The following XYLB variants were observed in gnomAD, a reference collection of about 807,000 sequenced individuals.
XYLB encodes xylulose kinase.
In XYLB, 62 loss-of-function variants were observed where a neutral mutation model predicts 78.7. That is an observed-to-expected ratio of 0.79 (90% CI 0.64 to 0.97). XYLB has a LOEUF of 0.97. Among genes scored for constraint, XYLB ranks in the 50% least tolerant of loss-of-function variants. The pLI, the probability that XYLB is intolerant of heterozygous loss-of-function variation, is 0.00. For synonymous variants in XYLB, 245 were observed against 247.4 expected (o/e 0.99, Z 0.09); for missense variants, 687 against 676.8 (o/e 1.02, Z -0.17).
the XYLB span, among the ~76,000 whole-genome samples, chr3:38,435,561 A>G: frequency 6.6e-6 from 1 of 152,202 alleles, no homozygotes; most frequent in African/African-American, 2.4e-5. Flanking sequence ...ACAAATAAAC[A>G]TTGGACTTAA....
chr3:38,396,032 G>C (rs766989), intron 16 of XYLB, among the ~76,000 whole-genome samples: 1 of 152,204 alleles, frequency 6.6e-6, no homozygotes, highest in South Asian at 2.1e-4. Flanking sequence ...CTGACACTCA[G>C]ACTGTCACCT....
At chr3:38,417,857 G>A (rs1230166743), downstream of XYLB, among the ~76,000 whole-genome samples, 58 of 142,444 alleles carry the variant, frequency 4.1e-4, no homozygotes, top group Non-Finnish European at 1.5e-4. Flanking sequence ...TCCAGCTTGG[G>A]TAACAGAGTG....
At chr3:38,372,542 AG>A in intron 9 of XYLB, 112 bp from the exon 10 acceptor site, 1 of 1,564,798 alleles carries the variant, frequency 6.4e-7, no homozygotes, top group Non-Finnish European at 8.7e-7. Flanking sequence ...AGATTCCTTC[AG>A]GTCTGGTGAC....
intron 3 of XYLB, among the ~76,000 whole-genome samples, chr3:38,361,106 A>T (rs1025539372): frequency 6.6e-6 from 1 of 152,232 alleles, no homozygotes; most frequent in African/African-American, 2.4e-5. Flanking sequence ...AAGATCCCTT[A>T]GCTCCCTAAT....
downstream of XYLB, among the ~76,000 whole-genome samples, chr3:38,421,046 T>C (rs1416523224): frequency 2.0e-5 from 3 of 152,254 alleles, no homozygotes; most frequent in Non-Finnish European, 4.4e-5. Context: ...TTGTTTCCCA[T>C]AAAGATTGCT....
rs1051364964 is a variant in XYLB, at chr3:38,350,793, G to A, written c.140+2161G>A. Among the ~76,000 whole-genome samples, 37 of 150,660 alleles carry A rather than the reference G, an allele frequency of 2.5e-4. 1 individual carries two copies. Among genetic ancestry groups the A allele is most frequent in the Middle Eastern group, 3.4e-3 (1 of 292 alleles). ...ATAAGTTATAGTTTCATTTTTTTTC[G>A]TTCAAAATATTTTTTAGTTCTCTTG... On this transcript the variant is annotated intron_variant, in intron 2 of 18. Transcript: ENST00000207870.
At chr3:38,375,813 C>T (rs1706822652) in intron 12 of XYLB, among the ~76,000 whole-genome samples, 1 of 152,184 alleles carries the variant, frequency 6.6e-6, no homozygotes, top group South Asian at 2.1e-4. Context: ...CTCCCTGCCT[C>T]ATTGTGCCCA....
intron 9 of XYLB, 64 bp downstream of exon 9, chr3:38,370,238 G>GCACACACA (rs1553653435): frequency 3.4e-5 from 11 of 326,666 alleles, no homozygotes; most frequent in South Asian, 6.2e-5. Context: ...AAGCACTGTA[G>GCACACACA]CGCACACACA....
chr3:38,406,041 C>T (rs1337749052), intron 18 of XYLB, among the ~76,000 whole-genome samples: 1 of 152,218 alleles, frequency 6.6e-6, no homozygotes, highest in Non-Finnish European at 1.5e-5. Context: ...AGTGGTTCTC[C>T]CAGCACACCT....
downstream of XYLB, among the ~76,000 whole-genome samples, chr3:38,419,558 T>A (rs891258849): frequency 1.1e-5 from 1 of 92,128 alleles, no homozygotes; most frequent in Non-Finnish European, 2.6e-5. Flanking sequence ...TACATCCTTG[T>A]CAACACTTGT....
At chr3:38,440,845 TCTGA>T in the XYLB span, among the ~76,000 whole-genome samples, 493 of 152,334 alleles carry the variant, frequency 3.2e-3, 8 homozygotes, top group African/African-American at 0.011. Flanking sequence ...TCTCTTTCTC[TCTGA>T]CTTTCTGTCT....
chr3:38,353,513 G>T (rs567598846), intron 2 of XYLB, among the ~76,000 whole-genome samples: 3 of 151,922 alleles, frequency 2.0e-5, no homozygotes, highest in African/African-American at 7.2e-5. Flanking sequence ...GTCTCACTCT[G>T]TTGCCCAGGC....
chr3:38,355,635 C>G, intron 2 of XYLB: 1 of 679,070 alleles, frequency 1.5e-6, no homozygotes, highest in African/African-American at 1.8e-5. Context: ...TGACTGAGTT[C>G]TAGCCAGTGG....
rs768278049 is a variant in XYLB, at chr3:38,376,898, T to C, written c.1121-20T>C. On this transcript the variant is annotated intron_variant, in intron 13 of 18. Transcript: ENST00000207870. ...GTTTTTTGACTAATGACGGCTGATCTCTTCCTGGTTTTATTTCAGGTTTTT... is the reference window on the plus strand; with the variant it reads ...GTTTTTTGACTAATGACGGCTGATCCCTTCCTGGTTTTATTTCAGGTTTTT... 4.4e-6 allele frequency: 7 copies of C among 1,607,340 alleles called. No homozygotes were observed. Among genetic ancestry groups the C allele is most frequent in the Non-Finnish European group, 6.0e-6 (7 of 1,174,168 alleles).
chr3:38,437,744 G>A, the XYLB span, among the ~76,000 whole-genome samples: 2 of 151,980 alleles, frequency 1.3e-5, no homozygotes, highest in South Asian at 2.1e-4. Flanking sequence ...AGGAGTCCAA[G>A]ACCAGCCTGG....
chr3:38,414,798 C>T lies in XYLB; in HGVS notation c.*1785C>T, dbSNP rs1708733678. The T allele has an allele frequency of 6.6e-6, 1 of 151,746 alleles. No individual in the cohort carries two copies. The highest frequency in any genetic ancestry group is 2.4e-5 in the African/African-American group (1 of 41,304). The allele number at this position is 151,746 out of a possible 1,614,324, so 9.4% of individuals were successfully genotyped here. On this transcript the variant is annotated 3_prime_UTR_variant, in exon 19 of 19. Transcript: ENST00000207870. ...GCTAAGAGAAGCAAAACAAACAAAG[C>T]AATATTAAAGGAAGAGCCAAAAAGA...
downstream of XYLB, among the ~76,000 whole-genome samples, chr3:38,419,912 T>C (rs1708923410): frequency 6.6e-6 from 1 of 151,942 alleles, no homozygotes; most frequent in Non-Finnish European, 1.5e-5. Context: ...CTCTGCCTCC[T>C]GGGTTCAAGC....
intron 5 of XYLB, 53 bp downstream of exon 5, chr3:38,365,338 CCTGTGGGTCCTGAAGCCTGCT>C: frequency 1.3e-6 from 2 of 1,569,048 alleles, no homozygotes; most frequent in Non-Finnish European, 1.8e-6. Context: ...AGTCCCAAGT[CCTGTGGGTCCTGAAGCCTGCT>C]CATCTCAGTG....
At position 38,420,584 on chromosome 3, in the gene XYLB, C is replaced by A. The variant is rs1708945035; in HGVS notation, c.*527C>A. ...TCCTTAAATATTTGATTGAATTCAC[C>A]AGTGAAACCATCTTAGTTAGATGTT... is the stretch of plus-strand genomic sequence containing the variant. On this transcript the variant is annotated 3_prime_UTR_variant, in exon 18 of 18. Coordinates refer to the XYLB transcript ENST00000650590. Among the ~76,000 whole-genome samples, 9 of 152,182 alleles carry A rather than the reference C, an allele frequency of 5.9e-5. No homozygotes were observed. The South Asian group carries it at 1.9e-3, about 31-fold the overall frequency.
Sources: allele counts gnomAD v4.1 joint callset (sites outside exome capture counted in the v4.1 genomes callset), GRCh38; gene constraint gnomAD v4.1.1; transcripts MANE v1.5; gene names NCBI Gene and HGNC (gene_info 2026-07-23, HGNC 2026-07-21).